The following TMEM108 variants were observed in gnomAD, a reference collection of about 807,000 sequenced individuals.
TMEM108 encodes the protein cancer/testis antigen 124.
TMEM108 carries 12 observed loss-of-function variants against 35.1 expected under a neutral mutation model. The ratio of observed to expected loss-of-function variants is 0.34; its 90% confidence interval spans 0.22 to 0.55. The LOEUF (loss-of-function observed/expected upper bound fraction) is 0.55, where lower values mean the gene tolerates loss of function less well. Ranked by LOEUF, TMEM108 falls within the 20% of genes least tolerant of loss-of-function variation. TMEM108 has a pLI of 0.89. For missense variants in TMEM108, 680 were observed against 753.3 expected (o/e 0.90, Z 1.14); for synonymous variants, 287 against 308.6 (o/e 0.93, Z 0.73).
intron 3 of TMEM108, among the ~76,000 whole-genome samples, chr3:133,299,093 G>C (rs373732936): frequency 2.0e-5 from 3 of 152,200 alleles, no homozygotes; most frequent in East Asian, 1.9e-4. Context: ...GTGTAATCTA[G>C]GAACAATAAG....
chr3:133,395,755 A>T, intron 5 of TMEM108, 109 bp from the exon 6 acceptor site: 1 of 1,201,732 alleles, frequency 8.3e-7, no homozygotes. Context: ...GAAAATGTGC[A>T]CCAAGCCATC....
At chr3:133,263,827 C>T (rs1946658343) in intron 3 of TMEM108, among the ~76,000 whole-genome samples, 1 of 152,208 alleles carries the variant, frequency 6.6e-6, no homozygotes, top group South Asian at 2.1e-4. Context: ...GCAAAAGGCA[C>T]ATCCAGTTCA....
intron 2 of TMEM108, among the ~76,000 whole-genome samples, chr3:133,080,972 A>G (rs1043688935): frequency 6.6e-6 from 1 of 152,204 alleles, no homozygotes; most frequent in African/African-American, 2.4e-5. Context: ...TGAAAGGAAC[A>G]TGAACTTTAA....
intron 3 of TMEM108, among the ~76,000 whole-genome samples, chr3:133,301,335 C>T (rs1026279785): frequency 7.2e-5 from 11 of 152,116 alleles, no homozygotes; most frequent in Admixed American, 3.3e-4. Context: ...TGCAGGACTC[C>T]TATCTGGTCA....
At chr3:133,101,043 C>T (rs1399612802) in intron 2 of TMEM108, among the ~76,000 whole-genome samples, 1 of 152,110 alleles carries the variant, frequency 6.6e-6, no homozygotes, top group Non-Finnish European at 1.5e-5. Flanking sequence ...TTTAGATGAA[C>T]CATAATTTTC....
chr3:133,197,171 T>A (rs959441284), intron 2 of TMEM108, among the ~76,000 whole-genome samples: 2 of 152,232 alleles, frequency 1.3e-5, no homozygotes. Flanking sequence ...AGTCATAGTT[T>A]GTTCAGGAAA....
intron 2 of TMEM108, among the ~76,000 whole-genome samples, chr3:133,119,750 A>C (rs1944329777): frequency 6.6e-6 from 1 of 152,190 alleles, no homozygotes; most frequent in Non-Finnish European, 1.5e-5. Flanking sequence ...TTGAACTCTA[A>C]TAAAACTCCA....
intron 3 of TMEM108, among the ~76,000 whole-genome samples, chr3:133,290,038 C>G (rs574330482): frequency 6.6e-6 from 1 of 152,256 alleles, no homozygotes; most frequent in South Asian, 2.1e-4. Context: ...GAGTCCCTGC[C>G]CCGATGAGTC....
intron 3 of TMEM108, among the ~76,000 whole-genome samples, chr3:133,242,651 C>T (rs568721169): frequency 6.6e-6 from 1 of 152,342 alleles, no homozygotes; most frequent in Admixed American, 6.5e-5. Flanking sequence ...TGCTCAGGGT[C>T]TCTCCTGCCC....
chr3:133,142,895 G>C (rs1031852263), intron 2 of TMEM108, among the ~76,000 whole-genome samples: 1 of 152,136 alleles, frequency 6.6e-6, no homozygotes, highest in Non-Finnish European at 1.5e-5. Context: ...TCAGTTTTCA[G>C]AATGAGGAAA....
chr3:133,276,829 G>C (rs534589612), intron 3 of TMEM108, among the ~76,000 whole-genome samples: 1 of 152,124 alleles, frequency 6.6e-6, no homozygotes, highest in Admixed American at 6.6e-5. Context: ...AAGTGGCTTC[G>C]GCTTCTGTAA....
At chr3:133,193,418 T>A (rs1945528735) in intron 2 of TMEM108, among the ~76,000 whole-genome samples, 1 of 152,188 alleles carries the variant, frequency 6.6e-6, no homozygotes, top group Non-Finnish European at 1.5e-5. Flanking sequence ...GGCTAATTTT[T>A]AAGAAACTCT....
chr3:133,299,736 G>A (rs1370264856), intron 3 of TMEM108, among the ~76,000 whole-genome samples: 1 of 152,094 alleles, frequency 6.6e-6, no homozygotes, highest in Non-Finnish European at 1.5e-5. Context: ...GGAGAGCCAG[G>A]CCATCATACG....
intron 2 of TMEM108, among the ~76,000 whole-genome samples, chr3:133,154,264 C>G (rs1484083242): frequency 1.3e-5 from 2 of 151,918 alleles, no homozygotes; most frequent in Non-Finnish European, 2.9e-5. Flanking sequence ...ATGGTGGTTT[C>G]TTTTGCTGTG....
At chr3:133,366,774 T>G (rs892886071) in intron 3 of TMEM108, among the ~76,000 whole-genome samples, 4 of 152,144 alleles carry the variant, frequency 2.6e-5, no homozygotes, top group African/African-American at 7.2e-5. Flanking sequence ...TTCTACCTCA[T>G]AGGGTTTTGT....
chr3:133,075,057 A>G (rs1943724095), intron 2 of TMEM108, among the ~76,000 whole-genome samples: 1 of 152,054 alleles, frequency 6.6e-6, no homozygotes, highest in Non-Finnish European at 1.5e-5. Context: ...CCATGTTGCT[A>G]TGGGTACATC....
At chr3:133,343,735 T>C (rs1052975204) in intron 3 of TMEM108, among the ~76,000 whole-genome samples, 3 of 151,856 alleles carry the variant, frequency 2.0e-5, no homozygotes, top group African/African-American at 7.2e-5. Flanking sequence ...TTAGGGTGTA[T>C]AAACTCTTAC....
chr3:133,115,150 G>T (rs1944271420), intron 2 of TMEM108, among the ~76,000 whole-genome samples: 2 of 152,156 alleles, frequency 1.3e-5, no homozygotes, highest in Non-Finnish European at 2.9e-5. Context: ...ATTATGAAAA[G>T]TGCTTAGAAT....
chr3:133,060,931 G>A (rs1038599288), intron 2 of TMEM108, among the ~76,000 whole-genome samples: 1 of 152,124 alleles, frequency 6.6e-6, no homozygotes, highest in Non-Finnish European at 1.5e-5. Context: ...ACTTATACAG[G>A]TCAACTGTGG....
Sources: allele counts gnomAD v4.1 joint callset (sites outside exome capture counted in the v4.1 genomes callset), GRCh38; gene constraint gnomAD v4.1.1; transcripts MANE v1.5; gene names NCBI Gene and HGNC (gene_info 2026-07-23, HGNC 2026-07-21).